CSMD1: variants seen among roughly 807,000 people sequenced by gnomAD.
CSMD1 encodes CUB and Sushi multiple domains 1.
A neutral mutation model predicts 417.5 loss-of-function variants in CSMD1; 213 were observed. That is an observed-to-expected ratio of 0.51 (90% confidence interval 0.46 to 0.57). CSMD1 has a LOEUF of 0.57. CSMD1 is among the 20% of genes least tolerant of loss of function. The pLI, the probability that CSMD1 is intolerant of heterozygous loss-of-function variation, is 0.00. For synonymous variants in CSMD1, 2,862 were observed against 1,736.8 expected (o/e 1.65, Z -16.11); for missense variants, 6,923 against 4,529.7 (o/e 1.53, Z -15.17).
chr8:3,719,296 A>G (rs1276262726), intron 6 of CSMD1, among the ~76,000 whole-genome samples: 1 of 152,154 alleles, frequency 6.6e-6, no homozygotes, highest in South Asian at 2.1e-4. Flanking sequence ...CCACTGCCCT[A>G]GAGGCCCAGA....
intron 2 of CSMD1, among the ~76,000 whole-genome samples, chr8:4,610,867 C>T (rs570810615): frequency 3.3e-5 from 5 of 152,192 alleles, no homozygotes; most frequent in Admixed American, 6.5e-5. Flanking sequence ...TATACGATTT[C>T]GTTTTTGAAT....
At chr8:3,572,052 G>T (rs1000045230) in intron 10 of CSMD1, among the ~76,000 whole-genome samples, 3 of 152,196 alleles carry the variant, frequency 2.0e-5, no homozygotes, top group African/African-American at 7.2e-5. Flanking sequence ...AATTCCACCT[G>T]TGAGTGGTAT....
intron 16 of CSMD1, among the ~76,000 whole-genome samples, chr8:3,396,896 G>C (rs538277752): frequency 1.2e-4 from 18 of 152,032 alleles, no homozygotes; most frequent in South Asian, 8.3e-4. Flanking sequence ...AAAAAATCCT[G>C]TGCCTTTTTA....
At chr8:4,659,803 T>G (rs927800615) in intron 1 of CSMD1, among the ~76,000 whole-genome samples, 3 of 152,122 alleles carry the variant, frequency 2.0e-5, no homozygotes, top group Admixed American at 2.0e-4. Flanking sequence ...AAATTTCATT[T>G]TAATAATTTT....
At chr8:4,878,415 A>G (rs1437197534) in intron 1 of CSMD1, among the ~76,000 whole-genome samples, 4 of 152,082 alleles carry the variant, frequency 2.6e-5, no homozygotes, top group Non-Finnish European at 5.9e-5. Context: ...AGAAAGTATT[A>G]GTAATATATG....
intron 29 of CSMD1, among the ~76,000 whole-genome samples, chr8:3,217,336 G>C (rs1187160423): frequency 6.6e-6 from 1 of 152,210 alleles, no homozygotes; most frequent in African/African-American, 2.4e-5. Flanking sequence ...GGCCATACCG[G>C]TTACCCAAAC....
chr8:4,076,760 A>G (rs1799842335), intron 3 of CSMD1, among the ~76,000 whole-genome samples: 2 of 152,150 alleles, frequency 1.3e-5, no homozygotes, highest in South Asian at 4.1e-4. Flanking sequence ...GAATGACCTC[A>G]CATTTCAGGC....
At chr8:2,954,196 A>C in intron 65 of CSMD1, 28 bp downstream of exon 65, 1 of 1,365,376 alleles carries the variant, frequency 7.3e-7, no homozygotes, top group Non-Finnish European at 1.0e-6. Flanking sequence ...TATTGGATTG[A>C]AATCTAGAAC....
Position 4,524,271 on chromosome 8 carries a change from A to C in CSMD1, c.303-104206T>G, listed in dbSNP as rs1177941266. On this transcript the variant is annotated intron_variant, in intron 2 of 69. Coordinates refer to ENST00000635120, the MANE Select transcript of CSMD1 (RefSeq NM_033225.6). Reference sequence around the variant, plus strand: ...AACACTCAAAAAAAAAAAATGAAATACCCATCTAGTGGACAAATATGTGTT... The same window carrying C: ...AACACTCAAAAAAAAAAAATGAAATCCCCATCTAGTGGACAAATATGTGTT... Among the ~76,000 whole-genome samples, 3 of 152,204 alleles carry C rather than the reference A, an allele frequency of 2.0e-5. No homozygotes were observed. In the South Asian group the frequency reaches 6.2e-4, roughly 32 times the overall value.
rs1258593307 is a variant in CSMD1, at chr8:4,282,647, G to T, written c.415+137306C>A. On this transcript the variant is annotated intron_variant, in intron 3 of 69. Transcript: ENST00000635120. ...TATATTGTATGCATTCACCTTTTCA[G>T]TTTTATTTATTTGAATACCAGTTAG... Among the ~76,000 whole-genome samples, 4 of 152,132 alleles carry T rather than the reference G, an allele frequency of 2.6e-5. No individual in the cohort carries two copies. The South Asian group carries it at 8.3e-4, about 31-fold the overall frequency.
At chr8:3,222,660 T>C (rs1181337129) in intron 28 of CSMD1, among the ~76,000 whole-genome samples, 1 of 152,088 alleles carries the variant, frequency 6.6e-6, no homozygotes, top group African/African-American at 2.4e-5. Flanking sequence ...CCTCCTAATT[T>C]TAAGGAAGAC....
chr8:3,083,079 T>G (rs1004052506), intron 49 of CSMD1, among the ~76,000 whole-genome samples: 6 of 152,204 alleles, frequency 3.9e-5, no homozygotes, highest in Non-Finnish European at 8.8e-5. Context: ...TTCTGTTTCA[T>G]ATTTCATTTT....
intron 1 of CSMD1, among the ~76,000 whole-genome samples, chr8:4,880,539 G>C (rs946075008): frequency 6.6e-6 from 1 of 151,812 alleles, no homozygotes; most frequent in Non-Finnish European, 1.5e-5. Context: ...CTTTTCCTTC[G>C]CCTCCTCCTC....
rs13281177 is a variant in CSMD1, at chr8:4,878,603, G to A, written c.85+115729C>T. Among the ~76,000 whole-genome samples, 1,349 of 151,934 alleles carry A rather than the reference G, an allele frequency of 8.9e-3. 9 individuals carry two copies. The highest frequency in any genetic ancestry group is 0.014 in the Non-Finnish European group (942 of 68,000). ...AAAGAGAGCATAATTTCTATCACCA[G>A]TTAGTAGAGGTGCTGGAAATTATGC... On this transcript the variant is annotated intron_variant, in intron 1 of 69. Transcript: ENST00000635120.
chr8:3,761,557 G>C (rs756357996), intron 5 of CSMD1, among the ~76,000 whole-genome samples: 1 of 137,614 alleles, frequency 7.3e-6, no homozygotes, highest in Non-Finnish European at 1.5e-5. Context: ...CCAGGCTGGA[G>C]TGAAATGAGA....
In CSMD1 at chr8:3,712,426, CAGACAGACAGACAGACAGAG is replaced by C. The variant is rs1470265970; in HGVS notation, c.932-3955_932-3936del. ...ACAGACAGACAGACAGACAGACAGA[CAGACAGACAGACAGACAGAG>C]AGAGAGAGAAACTAGAGCTGCAGGA... On this transcript the variant is annotated intron_variant, in intron 6 of 69. Transcript: ENST00000635120. Among the ~76,000 whole-genome samples, 219 of 137,756 alleles carry C rather than the reference CAGACAGACAGACAGACAGAG, an allele frequency of 1.6e-3. 2 individuals carry two copies. The highest frequency in any genetic ancestry group is 5.3e-3 in the African/African-American group (206 of 39,024). 90.4% of individuals were successfully genotyped at this position (137,756 alleles called of 152,430 possible).
chr8:4,565,345 T>C (rs1279999988), intron 2 of CSMD1, among the ~76,000 whole-genome samples: 2 of 152,220 alleles, frequency 1.3e-5, no homozygotes, highest in African/African-American at 2.4e-5. Context: ...TGCCTAAAAA[T>C]GGCTTGTAAC....
At chr8:3,311,188 C>T (rs577102936) in intron 23 of CSMD1, among the ~76,000 whole-genome samples, 2 of 152,248 alleles carry the variant, frequency 1.3e-5, no homozygotes, top group Admixed American at 6.5e-5. Context: ...AATCATCTAG[C>T]ACAAAGCCTA....
Position 4,124,396 on chromosome 8 carries a change from G to T in CSMD1, c.416-92297C>A, listed in dbSNP as rs143135930. ...TTCTCCATATCAAAAAGGAGACAGG[G>T]GATTTGTATTTAATTTTTTTCCCTT... is the stretch of plus-strand genomic sequence containing the variant. On this transcript the variant is annotated intron_variant, in intron 3 of 69. Coordinates refer to ENST00000635120, the MANE Select transcript of CSMD1 (RefSeq NM_033225.6). Among the ~76,000 whole-genome samples the T allele has an allele frequency of 6.3e-3, 468 of 73,860 alleles. 4 individuals are homozygous for T. The highest frequency in any genetic ancestry group is 0.022 in the African/African-American group (429 of 19,558). The allele number at this position is 73,860 out of a possible 152,430, so 48.5% of individuals were successfully genotyped here.
Sources: gnomAD v4.1 joint callset for allele counts (sites outside exome capture counted in the v4.1 genomes callset) on GRCh38, gnomAD v4.1.1 for gene constraint, MANE v1.5 for transcripts, NCBI Gene and HGNC (gene_info 2026-07-23, HGNC 2026-07-21) for gene names.